Variants in LRRC7 observed in about 807,000 individuals in gnomAD.
The protein encoded by LRRC7 is leucine rich repeat containing 7, also known as leucine-rich repeat-containing protein 7.
LRRC7 carries 23 observed loss-of-function variants against 175.7 expected under a neutral mutation model. The ratio of observed to expected loss-of-function variants is 0.13; its 90% CI spans 0.09 to 0.19. The LOEUF (loss-of-function observed/expected upper bound fraction) is 0.19. Among genes scored for constraint, LRRC7 ranks in the 10% least tolerant of loss-of-function variants. The pLI, the probability that LRRC7 is intolerant of heterozygous loss-of-function variation, is 1.00. For synonymous variants in LRRC7, 685 were observed against 680.9 expected, an observed-to-expected ratio of 1.01 and a Z score of -0.09; for missense variants, 1,354 against 1,904.7, an observed-to-expected ratio of 0.71 and a Z score of 5.38.
chr1:69,796,932 T>G (rs1675856402), intron 4 of LRRC7, among the ~76,000 whole-genome samples: 1 of 152,186 alleles, frequency 6.6e-6, no homozygotes, highest in Non-Finnish European at 1.5e-5. Context: ...ATTGTATATG[T>G]TTTTGTTTTG....
intron 25 of LRRC7, among the ~76,000 whole-genome samples, chr1:70,098,391 T>A (rs1487976512): frequency 1.3e-5 from 2 of 150,238 alleles, no homozygotes; most frequent in Non-Finnish European, 2.9e-5. Flanking sequence ...ATTGACACCC[T>A]AACATCACAA....
intron 1 of LRRC7, among the ~76,000 whole-genome samples, chr1:69,628,863 A>G (rs1429735229): frequency 6.6e-6 from 1 of 152,214 alleles, no homozygotes; most frequent in African/African-American, 2.4e-5. Flanking sequence ...AAACAGTACA[A>G]TGGAGAAAAG....
intron 24 of LRRC7, among the ~76,000 whole-genome samples, chr1:70,085,121 T>A (rs1269319266): frequency 6.6e-6 from 1 of 152,184 alleles, no homozygotes; most frequent in Non-Finnish European, 1.5e-5. Flanking sequence ...TGGTCTTCTT[T>A]GAAGCACAAA....
In LRRC7 at chr1:69,865,469, C is replaced by CTTTTTTTTTTTTTT. The variant is rs532063540; in HGVS notation, c.647+27198_647+27211dup. On this transcript the variant is annotated intron_variant, in intron 7 of 26. Transcript: ENST00000651989. ...ATAAGCAAGCTGCTGAAGACAGTTC[C>CTTTTTTTTTTTTTT]TTTTTTTTTTTTTTTTTTTTTTTTT... Among the ~76,000 whole-genome samples the CTTTTTTTTTTTTTT allele has an allele frequency of 4.9e-4, 25 of 51,266 alleles. 7 individuals are homozygous for CTTTTTTTTTTTTTT. Among genetic ancestry groups the CTTTTTTTTTTTTTT allele is most frequent in the Admixed American group, 1.4e-3 (4 of 2,768 alleles). 33.6% of individuals were successfully genotyped at this position (51,266 alleles called of 152,430 possible).
Position 70,038,587 on chromosome 1 carries a change from A to G in LRRC7, c.2763A>G (p.Glu921=), listed in dbSNP as rs145060243. 1,725 of 1,614,084 alleles carry G rather than the reference A, an allele frequency of 1.1e-3. 2 individuals are homozygous for G. The highest frequency in any genetic ancestry group is 1.4e-3 in the Non-Finnish European group (1,625 of 1,179,982). ...AAGAACATATAAAGGAATCTACTGA[A>G]ATACCTAGTCCTTTTTCTCCAGGCG... ...ERKEHIKEST[E]IPSPFSPGVP... Residue 921 remains glutamate, a synonymous_variant, in exon 21 of 27, where the codon GAA becomes GAG. Coordinates refer to ENST00000651989, the MANE Select transcript of LRRC7 (RefSeq NM_001370785.2).
chr1:70,052,922 A>G (rs1177668637), intron 22 of LRRC7, 104 bp from the exon 23 acceptor site: 2 of 1,216,826 alleles, frequency 1.6e-6, no homozygotes, highest in South Asian at 2.1e-5. Flanking sequence ...TTTTTCTGCA[A>G]TTAAACAAAA....
chr1:69,720,464 C>T lies in LRRC7; in HGVS notation c.101-39727C>T, dbSNP rs150519032. ...GGATTACTTAGAACCTATTTCTATT[C>T]GTGTTTATATAGTCAATATCCATTT... On this transcript the variant is annotated intron_variant, in intron 2 of 26. Transcript: ENST00000651989. 2.7e-4 allele frequency among the ~76,000 whole-genome samples: 41 copies of T among 151,686 alleles called. 1 individual carries two copies. Among genetic ancestry groups the T allele is most frequent in the African/African-American group, 8.9e-4 (37 of 41,530 alleles).
chr1:70,129,648 C>T lies in LRRC7; in HGVS notation c.*7761C>T, dbSNP rs1188355896. Among the ~76,000 whole-genome samples the T allele has an allele frequency of 1.3e-5, 2 of 152,128 alleles. No individual in the cohort carries two copies. The highest frequency in any genetic ancestry group is 2.4e-5 in the African/African-American group (1 of 41,408). On this transcript the variant is annotated 3_prime_UTR_variant, in exon 27 of 27. Transcript: ENST00000651989. ...TGTCCAATGTTAGAATGACCCACTCCGAAATGCAAGGAGTTGAACAATCAT... is the reference window on the plus strand; with the variant it reads ...TGTCCAATGTTAGAATGACCCACTCTGAAATGCAAGGAGTTGAACAATCAT...
At chr1:69,699,647 AAT>A (rs1421994446) in intron 2 of LRRC7, among the ~76,000 whole-genome samples, 1 of 152,242 alleles carries the variant, frequency 6.6e-6, no homozygotes, top group Non-Finnish European at 1.5e-5. Context: ...CTAGAAATTC[AAT>A]ATGTGTCTCC....
chr1:69,895,650 G>C (rs1439080279), intron 7 of LRRC7, among the ~76,000 whole-genome samples: 2 of 152,082 alleles, frequency 1.3e-5, no homozygotes, highest in Non-Finnish European at 2.9e-5. Flanking sequence ...CTATAGATGA[G>C]TCTGACTTTT....
intron 24 of LRRC7, among the ~76,000 whole-genome samples, chr1:70,080,817 T>G (rs1420155961): frequency 6.6e-6 from 1 of 152,166 alleles, no homozygotes; most frequent in Non-Finnish European, 1.5e-5. Flanking sequence ...AAGTCAGAGT[T>G]GTATTAAGTA....
chr1:69,728,819 T>G (rs1269052642), intron 2 of LRRC7, among the ~76,000 whole-genome samples: 4 of 152,166 alleles, frequency 2.6e-5, no homozygotes, highest in African/African-American at 2.4e-5. Flanking sequence ...AGCATGCACA[T>G]AAGCTGGATA....
intron 2 of LRRC7, among the ~76,000 whole-genome samples, chr1:69,687,664 C>G (rs1051263772): frequency 1.8e-5 from 2 of 110,642 alleles, no homozygotes; most frequent in Admixed American, 1.8e-4. Context: ...CATGATGCCT[C>G]TCTTGAGTTT....
At chr1:69,882,010 CA>C (rs34756242) in intron 7 of LRRC7, among the ~76,000 whole-genome samples, 70,128 of 122,944 alleles carry the variant, frequency 0.57, 17,046 homozygotes, top group East Asian at 0.7. Flanking sequence ...GACTGAATAG[CA>C]AAAAAAAAAA....
rs147809690 is a variant in LRRC7, at chr1:70,094,795, A to G, written c.4545+4976A>G. 1.7e-4 allele frequency among the ~76,000 whole-genome samples: 26 copies of G among 152,316 alleles called. No individual in the cohort carries two copies. In the East Asian group the frequency reaches 4.8e-3, roughly 28 times the overall value. ...GCAAGTTCAAAAATGCACAAGAATA[A>G]TGTTCCAGTTTTGCTCAACTTCATG... On this transcript the variant is annotated intron_variant, in intron 25 of 26. Coordinates refer to ENST00000651989, the MANE Select transcript of LRRC7 (RefSeq NM_001370785.2).
chr1:69,724,568 A>G (rs1444801202), intron 2 of LRRC7, among the ~76,000 whole-genome samples: 13 of 152,238 alleles, frequency 8.5e-5, no homozygotes, highest in Non-Finnish European at 1.0e-4. Context: ...CACAATTTGT[A>G]AAGAAGAATA....
rs188999523 is a variant in LRRC7 at position 69,681,549 on chromosome 1, G to A, written c.100+3071G>A. Among the ~76,000 whole-genome samples, 23 of 152,076 alleles carry A rather than the reference G, an allele frequency of 1.5e-4. No homozygotes were observed. The South Asian group carries it at 4.6e-3, about 30-fold the overall frequency. On this transcript the variant is annotated intron_variant, in intron 2 of 26. Transcript: ENST00000651989. ...AATTATATCTACCTATGCTGCATCC[G>A]GCATAGTCAAATAAACTTTCAATAA...
At chr1:69,581,993 T>G (rs767098013) in intron 1 of LRRC7, among the ~76,000 whole-genome samples, 1 of 152,168 alleles carries the variant, frequency 6.6e-6, no homozygotes, top group Non-Finnish European at 1.5e-5. Context: ...GGATCCATGC[T>G]GTGGGATTCT....
chr1:69,862,766 TA>T (rs1259249121), intron 7 of LRRC7, among the ~76,000 whole-genome samples: 2 of 152,122 alleles, frequency 1.3e-5, no homozygotes, highest in Non-Finnish European at 2.9e-5. Flanking sequence ...TACATAGTTA[TA>T]CGCATGCCAT....
Sources: allele counts gnomAD v4.1 joint callset (sites outside exome capture counted in the v4.1 genomes callset), GRCh38; gene constraint gnomAD v4.1.1; transcripts MANE v1.5; gene names NCBI Gene and HGNC (gene_info 2026-07-23, HGNC 2026-07-21).